ZNFX1: variants seen among roughly 807,000 people sequenced by gnomAD.
The protein encoded by ZNFX1 is zinc finger NFX1-type containing 1, also known as NFX1-type zinc finger-containing protein 1.
ZNFX1 carries 78 observed loss-of-function variants against 179.8 expected under a neutral mutation model. That is an observed-to-expected ratio of 0.43 (90% CI 0.36 to 0.52). The LOEUF (loss-of-function observed/expected upper bound fraction) is 0.52. ZNFX1 is among the 20% of genes least tolerant of loss of function. The pLI is 0.00. For synonymous variants in ZNFX1, 848 were observed against 868.5 expected, an observed-to-expected ratio of 0.98 and a Z score of 0.42; for missense variants, 1,927 against 2,386.6, an observed-to-expected ratio of 0.81 and a Z score of 4.01.
intron 6 of ZNFX1, 150 bp from the exon 7 acceptor site, chr20:49,260,727 A>G: frequency 1.8e-6 from 1 of 559,084 alleles, no homozygotes. Context: ...AGACTGCCTG[A>G]GCCCAGAAAT....
rs896464459 is a variant in ZNFX1 at position 49,271,077 on chromosome 20, G to C, written c.735C>G (p.Ser245Arg). ...DIRNQYPEHISNIISLLQDLV... is the reference protein window; with the variant it reads ...DIRNQYPEHIRNIISLLQDLV... Reference sequence around the variant, plus strand: ...GGTCCTGGAGGAGGGAGATGATGTTGCTTATGTGCTCTGGATACTGGTTTC... The same window carrying C: ...GGTCCTGGAGGAGGGAGATGATGTTCCTTATGTGCTCTGGATACTGGTTTC... The change falls in exon 3 of 14, where the codon AGC becomes AGG. Residue 245 changes from serine to arginine, a missense_variant. Ser to Arg is a moderately radical substitution (Grantham distance 110). Transcript: ENST00000396105. 6.2e-7 allele frequency: 1 copy of C among 1,614,182 alleles called. No individual in the cohort carries two copies. Among genetic ancestry groups the C allele is most frequent in the African/African-American group, 1.3e-5 (1 of 75,038 alleles).
At position 49,251,583 on chromosome 20, in the gene ZNFX1, G is replaced by A. The variant is rs192741117; in HGVS notation, c.3256C>T (p.His1086Tyr). ...CPEIARLLTP[H>Y]IYQDLENHPS... The stretch of plus-strand genomic sequence containing the variant: ...TGATTCTCCAGATCCTGGTAAATGT[G>A]GGGGGTCAAAAGGCGGGCAATTTCA... Residue 1086 changes from histidine to tyrosine, a missense_variant, in exon 13 of 14, where the codon CAC (histidine) becomes TAC (tyrosine). By Grantham distance (83) the His-to-Tyr change is moderately conservative. Coordinates refer to ENST00000396105, the MANE Select transcript of ZNFX1 (RefSeq NM_021035.3). 2.5e-6 allele frequency: 4 copies of A among 1,612,150 alleles called. No individual in the cohort carries two copies. Among genetic ancestry groups the A allele is most frequent in the Non-Finnish European group, 3.4e-6 (4 of 1,178,974 alleles).
Position 49,248,517 on chromosome 20 carries a change from A to G in ZNFX1, c.4507T>C (p.Cys1503Arg), listed in dbSNP as rs1474732872. The G allele has an allele frequency of 6.2e-7, 1 of 1,614,114 alleles. No homozygotes were observed. Among genetic ancestry groups the G allele is most frequent in the South Asian group, 1.1e-5 (1 of 91,090 alleles). The change falls in exon 14 of 14, where the codon TGT becomes CGT. Residue 1503 changes from cysteine (C) to arginine (R), a missense_variant. Transcript: ENST00000396105. The surrounding 1 kb of genome is among the most constrained non-coding windows in gnomAD (Gnocchi z 4.6). Reference sequence around the variant, plus strand: ...ACGCAGGGACTACACAGCTCCCCACATTTCTTCTTGCACTGGCTGTGGACA... The same window carrying G: ...ACGCAGGGACTACACAGCTCCCCACGTTTCTTCTTGCACTGGCTGTGGACA... ...RCVHSQCKKK[C>R]GELCSPCVEP...
In ZNFX1 at chr20:49,254,565, C is replaced by T. The variant is rs1980922457; in HGVS notation, c.2889G>A (p.Met963Ile). 2 of 1,614,080 alleles carry T rather than the reference C, an allele frequency of 1.2e-6. No homozygotes were observed. The highest frequency in any genetic ancestry group is 1.7e-6 in the Non-Finnish European group (2 of 1,180,046). The change falls in exon 10 of 14, where the codon ATG (methionine) becomes ATA (isoleucine). Residue 963 changes from methionine to isoleucine, a missense_variant. By Grantham distance (10) the Met-to-Ile change is conservative. Transcript: ENST00000396105. ...GGTCTTCCTGGAGTCTCAGCTCGGC[C>T]ATTCTTTCTGCTGATGTGCGGTACT... ...ERQYRTSAER[M>I]AELRLQEDLH...
At chr20:49,265,483 G>T (rs76174955) in intron 4 of ZNFX1, among the ~76,000 whole-genome samples, 1,607 of 152,316 alleles carry the variant, frequency 0.011, 24 homozygotes, top group African/African-American at 0.035. Context: ...CCTAGTCTGG[G>T]TGGGGTAGGG....
At chr20:49,265,910 G>A (rs891718781) in intron 4 of ZNFX1, among the ~76,000 whole-genome samples, 1 of 152,192 alleles carries the variant, frequency 6.6e-6, no homozygotes, top group Non-Finnish European at 1.5e-5. Context: ...AGGACGTAGA[G>A]GCTTTCAAGG....
chr20:49,276,777 T>G (rs535475542), intron 1 of ZNFX1, among the ~76,000 whole-genome samples: 1 of 152,350 alleles, frequency 6.6e-6, no homozygotes, highest in Non-Finnish European at 1.5e-5. Flanking sequence ...TGGCATTATA[T>G]GAGGGGCAGC....
Position 49,271,364 on chromosome 20 carries a change from C to T in ZNFX1, c.448G>A (p.Glu150Lys). The T allele has an allele frequency of 1.2e-6, 2 of 1,614,154 alleles. No individual in the cohort carries two copies. The highest frequency in any genetic ancestry group is 8.5e-7 in the Non-Finnish European group (1 of 1,180,012). ...QAKKLGYKFL[E>K]SLLQKDPSEV... Reference sequence around the variant, plus strand: ...GAAGGGTCTTTCTGCAGAAGACTTTCTAAGAACTTGTAGCCCAGTTTCTTC... The same window carrying T: ...GAAGGGTCTTTCTGCAGAAGACTTTTTAAGAACTTGTAGCCCAGTTTCTTC... The change falls in exon 3 of 14, where the codon GAA becomes AAA. Residue 150 changes from glutamate (E) to lysine (K), a missense_variant. Coordinates refer to ENST00000396105, the MANE Select transcript of ZNFX1 (RefSeq NM_021035.3).
At chr20:49,272,988 G>A (rs1423676405) in intron 2 of ZNFX1, among the ~76,000 whole-genome samples, 1 of 138,440 alleles carries the variant, frequency 7.2e-6, no homozygotes, top group Non-Finnish European at 1.6e-5. Context: ...AATAAAATAC[G>A]ACTGTATACA....
In ZNFX1 at chr20:49,247,912, A is replaced by T; in HGVS notation, c.5112T>A (p.Asn1704Lys). The change falls in exon 14 of 14, where the codon AAT (asparagine) becomes AAA (lysine). Residue 1704 changes from asparagine to lysine, a missense_variant. Transcript: ENST00000396105. ...CCAGGTGGTCATAGAAGCTGATGTA[A>T]TTCTCAACCAGACCCAGGTCCTTCA... ...LSVKDLGLVE[N>K]YISFYDHLAS... 2 of 1,614,096 alleles carry T rather than the reference A, an allele frequency of 1.2e-6. No individual in the cohort carries two copies. The highest frequency in any genetic ancestry group is 1.7e-6 in the Non-Finnish European group (2 of 1,180,012).
intron 2 of ZNFX1, 138 bp from the exon 3 acceptor site, chr20:49,271,888 C>T: frequency 2.0e-6 from 2 of 986,246 alleles, no homozygotes; most frequent in African/African-American, 1.6e-5. Flanking sequence ...CGGTTTCTAC[C>T]AAGTCATATG....
rs1366126656 is a variant in ZNFX1 at position 49,249,670 on chromosome 20, A to C, written c.3354T>G (p.Pro1118=). ...SNLFFVEHNF[P]EQEIQEGKSH... Reference sequence around the variant, plus strand: ...TTTTGCCCTCTTGGATTTCCTGTTCAGGAAAGTTGTGTTCTACAAAGAAAA... The same window carrying C: ...TTTTGCCCTCTTGGATTTCCTGTTCCGGAAAGTTGTGTTCTACAAAGAAAA... The change falls in exon 14 of 14, where the codon CCT becomes CCG. Residue 1118 remains proline, a synonymous_variant. Coordinates refer to ENST00000396105, the MANE Select transcript of ZNFX1 (RefSeq NM_021035.3). 1.9e-6 allele frequency: 3 copies of C among 1,613,954 alleles called. No individual in the cohort carries two copies. Among genetic ancestry groups the C allele is most frequent in the Non-Finnish European group, 1.7e-6 (2 of 1,179,834 alleles).
rs1375892258 is a variant in ZNFX1 at position 49,249,036 on chromosome 20, C to G, written c.3988G>C (p.Gly1330Arg). Residue 1330 changes from glycine (G) to arginine (R), a missense_variant, in exon 14 of 14, where the codon GGG becomes CGG. Coordinates refer to ENST00000396105, the MANE Select transcript of ZNFX1 (RefSeq NM_021035.3). ...KPCQKVICQE[G>R]HRCPLVCFQE... Reference sequence around the variant, plus strand: ...AAGCAAACAAGGGGACACCGGTGCCCTTCCTGACAGATGACCTTCTGGCAT... The same window carrying G: ...AAGCAAACAAGGGGACACCGGTGCCGTTCCTGACAGATGACCTTCTGGCAT... The G allele has an allele frequency of 6.2e-7, 1 of 1,614,258 alleles. No homozygotes were observed. Among genetic ancestry groups the G allele is most frequent in the Non-Finnish European group, 8.5e-7 (1 of 1,180,054 alleles).
Position 49,248,528 on chromosome 20 carries a change from C to T in ZNFX1, c.4496G>A (p.Cys1499Tyr). 6.2e-7 allele frequency: 1 copy of T among 1,614,212 alleles called. No individual in the cohort carries two copies. Among genetic ancestry groups the T allele is most frequent in the Non-Finnish European group, 8.5e-7 (1 of 1,180,036 alleles). ...TCQNRCVHSQ[C>Y]KKKCGELCSP... ...ACACAGCTCCCCACATTTCTTCTTG[C>T]ACTGGCTGTGGACACAGCGGTTCTG... The change falls in exon 14 of 14, where the codon TGC becomes TAC. Residue 1499 changes from cysteine to tyrosine, a missense_variant. By Grantham distance (194) the Cys-to-Tyr change is radical. Coordinates refer to ENST00000396105, the MANE Select transcript of ZNFX1 (RefSeq NM_021035.3). The surrounding 1 kb of genome is among the most constrained non-coding windows in gnomAD (Gnocchi z 4.6).
chr20:49,257,732 C>T (rs1373409544), intron 7 of ZNFX1, 68 bp from the exon 8 acceptor site: 185 of 1,486,260 alleles, frequency 1.2e-4, no homozygotes, highest in South Asian at 1.7e-4. Context: ...TATGGAATCT[C>T]GCTCTTTTGC....
At chr20:49,259,122 ATAAAT>A (rs772942916) in intron 7 of ZNFX1, among the ~76,000 whole-genome samples, 63 of 136,808 alleles carry the variant, frequency 4.6e-4, no homozygotes, top group South Asian at 6.5e-4. Flanking sequence ...AAAAAAATAA[ATAAAT>A]AAATAAATAA....
Position 49,253,658 on chromosome 20 carries a change from C to T in ZNFX1, c.3105+8G>A, listed in dbSNP as rs1221681131. 8.7e-6 allele frequency: 14 copies of T among 1,613,708 alleles called. No individual in the cohort carries two copies. The highest frequency in any genetic ancestry group is 8.5e-6 in the Non-Finnish European group (10 of 1,179,964). On this transcript the variant is annotated splice_region_variant and intron_variant, in intron 11 of 13. Coordinates refer to ENST00000396105, the MANE Select transcript of ZNFX1 (RefSeq NM_021035.3). The stretch of plus-strand genomic sequence containing the variant: ...CCAGCCCATCTTCTAGGGGGACTCT[C>T]GTTTTACCTGCTGGTGGTCCCCAAT...
intron 11 of ZNFX1, among the ~76,000 whole-genome samples, 154 bp from the exon 12 acceptor site, chr20:49,252,984 C>G (rs1980881607): frequency 6.6e-6 from 1 of 152,128 alleles, no homozygotes; most frequent in African/African-American, 2.4e-5. Context: ...TTAATAATGA[C>G]AAGGGTTAAG....
Position 49,257,525 on chromosome 20 carries a change from T to C in ZNFX1, c.2556A>G (p.Glu852=). The C allele has an allele frequency of 6.2e-7, 1 of 1,613,836 alleles. No homozygotes were observed. Among genetic ancestry groups the C allele is most frequent in the Non-Finnish European group, 8.5e-7 (1 of 1,179,980 alleles). Residue 852 remains glutamate, a synonymous_variant, in exon 8 of 14, where the codon GAA becomes GAG. Transcript: ENST00000396105. ...CCAACTCCTGGTCTGCTCCACTCTC[T>C]TCCTTCTTCCGCCGCTGGGGCCTCA... is the stretch of plus-strand genomic sequence containing the variant. ...EVVRPQRRKK[E]ESGADQELAK...
Sources: gnomAD v4.1 joint callset for allele counts (sites outside exome capture counted in the v4.1 genomes callset) on GRCh38, gnomAD v4.1.1 for gene constraint, Gnocchi (gnomAD v3.1) non-coding constraint, MANE v1.5 for transcripts, NCBI Gene and HGNC (gene_info 2026-07-23, HGNC 2026-07-21) for gene names.